The following PCDHA8 variants were observed in gnomAD, a reference collection of about 807,000 sequenced individuals.
PCDHA8 encodes the protein protocadherin alpha 8.
PCDHA8 carries 53 observed loss-of-function variants against 61.8 expected under a neutral mutation model. The observed-to-expected ratio is 0.86, with a 90% CI of 0.69 to 1.08. The LOEUF (loss-of-function observed/expected upper bound fraction) is 1.08. Ranked by LOEUF, PCDHA8 falls within the 50% of genes least tolerant of loss-of-function variation. The probability of loss-of-function intolerance (pLI) is 0.00; values close to 1 mark genes in which losing one functional copy is unlikely to be tolerated. For missense variants in PCDHA8, 1,293 were observed against 1,245.0 expected, an observed-to-expected ratio of 1.04 and a Z score of -0.58; for synonymous variants, 618 against 556.6, an observed-to-expected ratio of 1.11 and a Z score of -1.55.
intron 1 of PCDHA8, chr5:140,858,351 T>G: frequency 6.3e-7 from 1 of 1,594,234 alleles, no homozygotes; most frequent in Non-Finnish European, 8.6e-7. Context: ...GCGGACCTCA[T>G]GGCCTTCAGC....
At chr5:140,966,789 C>T (rs782194817) in intron 1 of PCDHA8, 3 of 1,528,688 alleles carry the variant, frequency 2.0e-6, no homozygotes, top group Non-Finnish European at 2.6e-6. Flanking sequence ...GGCACCAGAC[C>T]TGCGGCGACA....
intron 1 of PCDHA8, among the ~76,000 whole-genome samples, chr5:140,964,512 T>C (rs2095837085): frequency 6.6e-6 from 1 of 152,128 alleles, no homozygotes; most frequent in African/African-American, 2.4e-5. Context: ...CAATACCCAG[T>C]GGCCAGGTCT....
chr5:141,009,863 A>G lies in PCDHA8; in HGVS notation c.2779A>G (p.Lys927Glu). 1 of 1,614,104 alleles carries G rather than the reference A, an allele frequency of 6.2e-7. No homozygotes were observed. Among genetic ancestry groups the G allele is most frequent in the Non-Finnish European group, 8.5e-7 (1 of 1,180,006 alleles). Residue 927 changes from lysine to glutamate, a missense_variant, in exon 4 of 4, where the codon AAA becomes GAA. Coordinates refer to ENST00000531613, the MANE Select transcript of PCDHA8 (RefSeq NM_018911.3). ...GKKEETKKKK[K>E]KKKGNKTQEK... ...AAAGGAGGAGACCAAGAAAAAGAAG[A>G]AAAAGAAGAAGGGTAACAAGACCCA...
At chr5:140,892,324 C>T (rs1158961031) in intron 1 of PCDHA8, among the ~76,000 whole-genome samples, 3 of 152,308 alleles carry the variant, frequency 2.0e-5, no homozygotes, top group Non-Finnish European at 4.4e-5. Context: ...CATTTTCTTT[C>T]TCCAGAATGG....
intron 1 of PCDHA8, chr5:140,868,284 G>A (rs1554161873): frequency 6.6e-6 from 1 of 152,004 alleles, no homozygotes; most frequent in Non-Finnish European, 1.5e-5. Flanking sequence ...TACCAAGTTT[G>A]AGAATATGAA....
intron 1 of PCDHA8, chr5:140,876,229 GA>G: frequency 1.9e-6 from 3 of 1,613,978 alleles, no homozygotes; most frequent in Non-Finnish European, 2.5e-6. Context: ...AGTGTTGTCT[GA>G]AAATGTCCAA....
At chr5:140,915,069 C>T (rs2076962975) in intron 1 of PCDHA8, among the ~76,000 whole-genome samples, 2 of 151,484 alleles carry the variant, frequency 1.3e-5, no homozygotes, top group Admixed American at 6.6e-5. Flanking sequence ...CCTTAGCCTA[C>T]TGAGTAGCTG....
At chr5:140,846,406 G>A (rs1191758509) in intron 1 of PCDHA8, among the ~76,000 whole-genome samples, 1 of 111,134 alleles carries the variant, frequency 9.0e-6, no homozygotes, top group Non-Finnish European at 1.7e-5. Flanking sequence ...ACGGAGTCTC[G>A]CTCTATCTCC....
Position 140,932,015 on chromosome 5 carries a change from C to T in PCDHA8, c.2395-46934C>T, listed in dbSNP as rs150185692. Reference sequence around the variant, plus strand: ...TTCTAAGTTCTTTCATTTTAGTTTACGGTAAGTTTACAGTATATATTAACA... The same window carrying T: ...TTCTAAGTTCTTTCATTTTAGTTTATGGTAAGTTTACAGTATATATTAACA... On this transcript the variant is annotated intron_variant, in intron 1 of 3. Coordinates refer to ENST00000531613, the MANE Select transcript of PCDHA8 (RefSeq NM_018911.3). Among the ~76,000 whole-genome samples, 8 of 151,784 alleles carry T rather than the reference C, an allele frequency of 5.3e-5. No homozygotes were observed. The East Asian group carries it at 5.8e-4, about 11-fold the overall frequency.
chr5:140,955,501 A>G (rs1479045859), intron 1 of PCDHA8, among the ~76,000 whole-genome samples: 5 of 152,114 alleles, frequency 3.3e-5, no homozygotes, highest in African/African-American at 1.2e-4. Context: ...CATGTGAAGA[A>G]AGACGTGTTT....
chr5:140,851,390 C>T (rs1410826615), intron 1 of PCDHA8: 3 of 973,626 alleles, frequency 3.1e-6, no homozygotes, highest in East Asian at 2.2e-4. Flanking sequence ...CCTTCAGTAT[C>T]TATTATTTTA....
intron 3 of PCDHA8, among the ~76,000 whole-genome samples, chr5:140,991,311 G>A (rs1036350235): frequency 3.3e-5 from 5 of 152,108 alleles, no homozygotes; most frequent in Admixed American, 2.0e-4. Context: ...ATCTTGTCCC[G>A]CATGATACAT....
intron 1 of PCDHA8, chr5:140,865,908 T>A (rs1023181309): frequency 2.6e-5 from 4 of 152,274 alleles, no homozygotes; most frequent in African/African-American, 9.6e-5. Flanking sequence ...GGCAAATCTT[T>A]CTTTCTGTTG....
intron 1 of PCDHA8, chr5:140,927,582 G>C (rs1554204771): frequency 1.2e-6 from 2 of 1,614,174 alleles, no homozygotes; most frequent in Non-Finnish European, 8.5e-7. Context: ...ATGACAACGC[G>C]CCTGTATTTG....
intron 1 of PCDHA8, among the ~76,000 whole-genome samples, chr5:140,900,283 C>A (rs1325528461): frequency 6.6e-6 from 1 of 151,666 alleles, no homozygotes; most frequent in Non-Finnish European, 1.5e-5. Flanking sequence ...ACCACACTTT[C>A]TTTTCTGTTT....
chr5:140,853,742 G>A, intron 1 of PCDHA8: 1 of 988,574 alleles, frequency 1.0e-6, no homozygotes, highest in Non-Finnish European at 1.2e-6. Context: ...GAATGTTCTG[G>A]TTCAAGGCTC....
At chr5:140,962,665 C>T (rs1457197885) in intron 1 of PCDHA8, among the ~76,000 whole-genome samples, 1 of 152,146 alleles carries the variant, frequency 6.6e-6, no homozygotes, top group African/African-American at 2.4e-5. Flanking sequence ...TTTTCATCTT[C>T]CCATCCACTG....
chr5:140,881,241 T>C, intron 1 of PCDHA8: 1 of 382,456 alleles, frequency 2.6e-6, no homozygotes, highest in Non-Finnish European at 3.6e-6. Context: ...TCAATTTAAA[T>C]GACGGCAAGG....
At chr5:141,007,395 C>CAAAAA (rs35800918) in intron 3 of PCDHA8, among the ~76,000 whole-genome samples, 20 of 94,830 alleles carry the variant, frequency 2.1e-4, no homozygotes, top group South Asian at 3.5e-4. Context: ...TACTAAAATA[C>CAAAAA]AAAAAAAAAA....
Sources: gnomAD v4.1 joint callset for allele counts (sites outside exome capture counted in the v4.1 genomes callset) on GRCh38, gnomAD v4.1.1 for gene constraint, MANE v1.5 for transcripts, NCBI Gene and HGNC (gene_info 2026-07-23, HGNC 2026-07-21) for gene names.